Variants in RIMS1 observed in about 807,000 individuals in gnomAD.
RIMS1 encodes the protein regulating synaptic membrane exocytosis 1, also known as regulating synaptic membrane exocytosis protein 1.
Under a neutral mutation model 214.1 loss-of-function variants are expected in RIMS1, and 83 were observed. The observed-to-expected ratio is 0.39, with a 90% confidence interval of 0.32 to 0.47. RIMS1 has a LOEUF of 0.47. RIMS1 is among the 20% of genes least tolerant of loss of function. RIMS1 has a pLI of 0.99. For missense variants in RIMS1, 2,050 were observed against 2,161.8 expected, an observed-to-expected ratio of 0.95 and a Z score of 1.03; for synonymous variants, 793 against 786.8, an observed-to-expected ratio of 1.01 and a Z score of -0.13.
At chr6:72,045,162 C>G (rs1413273590) in intron 2 of RIMS1, among the ~76,000 whole-genome samples, 1 of 151,792 alleles carries the variant, frequency 6.6e-6, no homozygotes, top group African/African-American at 2.4e-5. Context: ...ATGATAAGGT[C>G]AGAAAACAGT....
At chr6:72,194,483 T>C (rs1344104859) in intron 6 of RIMS1, among the ~76,000 whole-genome samples, 1 of 152,150 alleles carries the variant, frequency 6.6e-6, no homozygotes, top group Admixed American at 6.5e-5. Flanking sequence ...TCTATGTATT[T>C]ACTGAGGTTA....
At chr6:72,332,371 A>G (rs1023535351) in intron 28 of RIMS1, among the ~76,000 whole-genome samples, 9 of 151,746 alleles carry the variant, frequency 5.9e-5, no homozygotes, top group Non-Finnish European at 2.9e-5. Flanking sequence ...ATAAAGCTGC[A>G]TATGCATTGT....
chr6:72,176,098 G>T (rs1250077392), intron 4 of RIMS1, among the ~76,000 whole-genome samples: 2 of 152,176 alleles, frequency 1.3e-5, no homozygotes, highest in African/African-American at 4.8e-5. Context: ...GTTTGTGTGT[G>T]ATTGCTTAAC....
At chr6:72,037,522 A>G (rs1012504819) in intron 2 of RIMS1, among the ~76,000 whole-genome samples, 1 of 152,012 alleles carries the variant, frequency 6.6e-6, no homozygotes, top group African/African-American at 2.4e-5. Flanking sequence ...TTTTTTTTTA[A>G]CAGCTTTATT....
intron 2 of RIMS1, among the ~76,000 whole-genome samples, chr6:71,973,117 T>C (rs773746074): frequency 1.3e-5 from 2 of 151,740 alleles, no homozygotes; most frequent in Admixed American, 1.3e-4. Context: ...ACCATGTTGG[T>C]CAGGCTGGTC....
chr6:72,080,149 A>AGCTACTT lies in RIMS1; in HGVS notation c.246-16798_246-16792dup, dbSNP rs550433371. The stretch of plus-strand genomic sequence containing the variant: ...CATGGTGGCAGATGCCTGTAATCCC[A>AGCTACTT]GCTACTTGGGAGGCTGAGGCAGGAG... On this transcript the variant is annotated intron_variant, in intron 2 of 33. Transcript: ENST00000521978. Among the ~76,000 whole-genome samples, 566 of 148,766 alleles carry AGCTACTT rather than the reference A, an allele frequency of 3.8e-3. 5 individuals are homozygous for AGCTACTT. The highest frequency in any genetic ancestry group is 0.012 in the African/African-American group (480 of 40,442).
At chr6:72,367,879 G>T (rs1427420373) in intron 29 of RIMS1, among the ~76,000 whole-genome samples, 1 of 152,034 alleles carries the variant, frequency 6.6e-6, no homozygotes, top group Non-Finnish European at 1.5e-5. Context: ...TCTACATGTT[G>T]CTTGTGTTTT....
chr6:72,314,567 A>G (rs1443091987), intron 28 of RIMS1, among the ~76,000 whole-genome samples: 1 of 152,174 alleles, frequency 6.6e-6, no homozygotes, highest in Non-Finnish European at 1.5e-5. Flanking sequence ...ATAATCTAAC[A>G]TGAGCAATTT....
intron 1 of RIMS1, among the ~76,000 whole-genome samples, chr6:71,923,977 T>C (rs1381916486): frequency 6.6e-6 from 1 of 152,246 alleles, no homozygotes; most frequent in Non-Finnish European, 1.5e-5. Flanking sequence ...AATTAGCTAA[T>C]CATGTTATAC....
At chr6:72,049,394 C>A (rs886551881) in intron 2 of RIMS1, among the ~76,000 whole-genome samples, 1 of 152,106 alleles carries the variant, frequency 6.6e-6, no homozygotes, top group Admixed American at 6.5e-5. Flanking sequence ...ATTACAGAAG[C>A]ATCCATCACA....
chr6:71,990,777 G>T (rs1409117585), intron 2 of RIMS1, among the ~76,000 whole-genome samples: 7 of 151,814 alleles, frequency 4.6e-5, no homozygotes, highest in Non-Finnish European at 8.8e-5. Flanking sequence ...CTGAGCGACA[G>T]TTAGTGTGGC....
Position 71,935,419 on chromosome 6 carries a change from CAT to C in RIMS1, c.165-33561_165-33560del, listed in dbSNP as rs369623114. ...ATTTTTCTGATGCCATATATTTTCA[CAT>C]ATGTGTTGTTTTCATTTTGATAAGA... On this transcript the variant is annotated intron_variant, in intron 1 of 33. Coordinates refer to ENST00000521978, the MANE Select transcript of RIMS1 (RefSeq NM_014989.7). Among the ~76,000 whole-genome samples the C allele has an allele frequency of 2.9e-3, 438 of 152,260 alleles. 4 individuals carry two copies. Among genetic ancestry groups the C allele is most frequent in the Middle Eastern group, 0.024 (7 of 294 alleles).
intron 1 of RIMS1, 122 bp downstream of exon 1, chr6:71,887,309 G>A (rs1715970701): frequency 1.5e-6 from 2 of 1,294,608 alleles, no homozygotes; most frequent in African/African-American, 1.5e-5. Flanking sequence ...GGGTGCGGAC[G>A]GAGGCGCCCG....
intron 28 of RIMS1, among the ~76,000 whole-genome samples, chr6:72,315,846 C>T (rs554027459): frequency 1.5e-4 from 23 of 152,284 alleles, no homozygotes; most frequent in African/African-American, 5.5e-4. Flanking sequence ...ACAAGCATTG[C>T]AGGCTCTTCA....
At chr6:72,316,620 C>T (rs1477563672) in intron 28 of RIMS1, 1 of 465,470 alleles carries the variant, frequency 2.1e-6, no homozygotes. Flanking sequence ...AAGAGAGCAA[C>T]CAGCCTGGAG....
intron 6 of RIMS1, among the ~76,000 whole-genome samples, chr6:72,209,548 G>C (rs1020007272): frequency 1.3e-5 from 2 of 152,064 alleles, no homozygotes; most frequent in Non-Finnish European, 2.9e-5. Flanking sequence ...GTATGCAATC[G>C]GAATTTACTG....
At chr6:71,965,248 CCATTTAAAGTTCAAATT>C in intron 1 of RIMS1, among the ~76,000 whole-genome samples, 2 of 152,130 alleles carry the variant, frequency 1.3e-5, no homozygotes, top group South Asian at 4.1e-4. Context: ...AAAGATAAAA[CCATTTAAAGTTCAAATT>C]CAGATAAAGT....
In RIMS1 at chr6:72,252,826, C is replaced by A. The variant is rs549248313; in HGVS notation, c.2764C>A (p.Pro922Thr). ...GGTTGATGATGGTATTGGCGTAGTT[C>A]CTCCAGGTGCGTGGGTGAGGAGCAT... ...YEVDDGIGVV[P>T]PVGYRSSARE... Residue 922 changes from proline to threonine, a missense_variant, in exon 16 of 34, where the codon CCT (proline) becomes ACT (threonine). Pro to Thr is a conservative substitution (Grantham distance 38, BLOSUM62 -1). Around this residue, in one of 6 missense-constraint regions of RIMS1, gnomAD observed 889 missense variants for 885.5 expected, o/e 1.00. Coordinates refer to ENST00000521978, the MANE Select transcript of RIMS1 (RefSeq NM_014989.7). 142 of 1,554,036 alleles carry A rather than the reference C, an allele frequency of 9.1e-5. No individual in the cohort carries two copies. The highest frequency in any genetic ancestry group is 3.3e-4 in the Middle Eastern group (2 of 6,010).
chr6:72,099,908 G>T, intron 3 of RIMS1, 67 bp from the exon 4 acceptor site: 1 of 1,279,098 alleles, frequency 7.8e-7, no homozygotes, highest in Non-Finnish European at 1.1e-6. Flanking sequence ...TTAATACATG[G>T]CTCAATTTTG....
Sources: gnomAD v4.1 joint callset for allele counts (sites outside exome capture counted in the v4.1 genomes callset) on GRCh38, gnomAD v4.1.1 for gene constraint, gnomAD v4.1.1 regional missense constraint, MANE v1.5 for transcripts, NCBI Gene and HGNC (gene_info 2026-07-23, HGNC 2026-07-21) for gene names.